HSF2: variants seen among roughly 807,000 people sequenced by gnomAD.
HSF2 encodes the protein heat shock transcription factor 2, also known as heat shock factor protein 2.
Under a neutral mutation model 65.0 loss-of-function variants are expected in HSF2, and 21 were observed. The ratio of observed to expected loss-of-function variants is 0.32; its 90% CI spans 0.23 to 0.47. The LOEUF is 0.47. Ranked by LOEUF, HSF2 falls within the 20% of genes least tolerant of loss-of-function variation. HSF2 has a pLI of 1.00. For missense variants in HSF2, 499 were observed against 628.1 expected (o/e 0.79, Z 2.20); for synonymous variants, 225 against 219.1 (o/e 1.03, Z -0.24).
At chr6:122,423,757 C>A in intron 10 of HSF2, 71 bp downstream of exon 10, 3 of 767,002 alleles carry the variant, frequency 3.9e-6, no homozygotes, top group Non-Finnish European at 6.2e-6. Flanking sequence ...AAAACCAGTA[C>A]GTCATTTTGT....
chr6:122,399,726 G>C lies in HSF2; in HGVS notation c.-12G>C, dbSNP rs1038167273. On this transcript the variant is annotated 5_prime_UTR_variant, in exon 1 of 13. Coordinates refer to ENST00000368455, the MANE Select transcript of HSF2 (RefSeq NM_004506.4). ...CGGGTGTAGAATTTGGAATCCCTGC[G>C]CCGCGTTAACAATGAAGCAGAGTTC... is the stretch of plus-strand genomic sequence containing the variant. The C allele has an allele frequency of 6.2e-7, 1 of 1,607,872 alleles. No individual in the cohort carries two copies.
chr6:122,425,853 G>T (rs1344556147), intron 10 of HSF2, among the ~76,000 whole-genome samples: 1 of 151,924 alleles, frequency 6.6e-6, no homozygotes, highest in African/African-American at 2.4e-5. Context: ...AAAGTAAACT[G>T]GACTTGAATT....
At chr6:122,417,647 A>G (rs1414683630) in intron 5 of HSF2, among the ~76,000 whole-genome samples, 1 of 152,196 alleles carries the variant, frequency 6.6e-6, no homozygotes, top group Admixed American at 6.5e-5. Context: ...CAGAAGTTAC[A>G]TGCTGTAAGT....
intron 10 of HSF2, 76 bp from the exon 11 acceptor site, chr6:122,427,827 G>A: frequency 1.0e-6 from 1 of 988,990 alleles, no homozygotes; most frequent in South Asian, 1.5e-5. Context: ...ACCCAACATG[G>A]CTGTATAAAA....
intron 1 of HSF2, among the ~76,000 whole-genome samples, chr6:122,411,854 G>A (rs113768931): frequency 6.6e-6 from 1 of 151,828 alleles, no homozygotes; most frequent in Non-Finnish European, 1.5e-5. Context: ...GTTTTTTGTA[G>A]AGAAAAACAC....
In HSF2 at chr6:122,423,705, C is replaced by G; in HGVS notation, c.1176+19C>G. On this transcript the variant is annotated intron_variant, in intron 10 of 12. Coordinates refer to ENST00000368455, the MANE Select transcript of HSF2 (RefSeq NM_004506.4). ...GGTTGATGTAGGTACTTTGGGTAAT[C>G]TTTGCTATACTGGTAGTTTGTGTGT... The G allele has an allele frequency of 7.6e-7, 1 of 1,314,988 alleles. No homozygotes were observed. The allele number at this position is 1,314,988 out of a possible 1,614,324, so 81.5% of individuals were successfully genotyped here. A position where few individuals can be genotyped will look rare whatever the true frequency, so the allele number is the denominator to read the frequency against.
chr6:122,407,592 T>G (rs1184753243), intron 1 of HSF2, among the ~76,000 whole-genome samples: 3 of 13,416 alleles, frequency 2.2e-4, no homozygotes, highest in Non-Finnish European at 4.9e-4. Context: ...CATTTTTCTG[T>G]TTTTTTTTTT....
intron 7 of HSF2, among the ~76,000 whole-genome samples, chr6:122,421,371 T>C (rs1246673262): frequency 1.3e-5 from 2 of 152,036 alleles, no homozygotes; most frequent in African/African-American, 4.8e-5. Flanking sequence ...TCACATCTGA[T>C]TTCTTTTCCC....
intron 1 of HSF2, among the ~76,000 whole-genome samples, chr6:122,404,845 AAGC>A (rs1471162286): frequency 6.6e-6 from 1 of 152,206 alleles, no homozygotes; most frequent in African/African-American, 2.4e-5. Flanking sequence ...GGAATACAAT[AAGC>A]AGAGATAGAG....
At chr6:122,420,651 G>A (rs564374530) in intron 7 of HSF2, among the ~76,000 whole-genome samples, 3 of 88,794 alleles carry the variant, frequency 3.4e-5, no homozygotes, top group African/African-American at 1.2e-4. Context: ...TTTTTAACTT[G>A]ATGTTGCTTT....
In HSF2 at chr6:122,420,136, C is replaced by T; in HGVS notation, c.595C>T (p.Pro199Ser). 6.2e-7 allele frequency: 1 copy of T among 1,602,924 alleles called. No individual in the cohort carries two copies. The highest frequency in any genetic ancestry group is 8.5e-7 in the Non-Finnish European group (1 of 1,175,788). ...NQLVSLKRKR[P>S]LLLNTNGAQK... The stretch of plus-strand genomic sequence containing the variant: ...ACTGCATATTCTTCTGGTTTTCAGG[C>T]CTCTACTTCTAAACACTAATGGAGC... Residue 199 changes from proline (P) to serine (S), a missense_variant and splice_region_variant, in exon 7 of 13, where the codon CCT (proline) becomes TCT (serine). This residue lies in a region of HSF2 where 150 missense variants were observed against 234.6 expected (regional missense o/e 0.64). Transcript: ENST00000368455.
rs184567232 is a variant in HSF2 at position 122,409,280 on chromosome 6, G to T, written c.94-3093G>T. Reference sequence around the variant, plus strand: ...ACATTTAAGGAGGAGATTGTTAGTTGTACCAAATGAAATGCCACAGAGAGG... The same window carrying T: ...ACATTTAAGGAGGAGATTGTTAGTTTTACCAAATGAAATGCCACAGAGAGG... On this transcript the variant is annotated intron_variant, in intron 1 of 12. Coordinates refer to ENST00000368455, the MANE Select transcript of HSF2 (RefSeq NM_004506.4). Among the ~76,000 whole-genome samples the T allele has an allele frequency of 2.0e-4, 31 of 152,114 alleles. 1 individual carries two copies. In the East Asian group the frequency reaches 6.0e-3, roughly 29 times the overall value.
At chr6:122,412,206 T>C (rs1299528609) in intron 1 of HSF2, among the ~76,000 whole-genome samples, 167 bp from the exon 2 acceptor site, 1 of 152,054 alleles carries the variant, frequency 6.6e-6, no homozygotes, top group Non-Finnish European at 1.5e-5. Flanking sequence ...ATTTGTTGCT[T>C]AATTGCAATT....
Position 122,420,237 on chromosome 6 carries a change from A to C in HSF2, c.681+15A>C. ...ATCATCATAAAGTAATTTTTTAGTT[A>C]GGGTCTATTTTATATTTATTGTCTC... On this transcript the variant is annotated intron_variant, in intron 7 of 12. Transcript: ENST00000368455. The C allele has an allele frequency of 2.5e-6, 4 of 1,570,536 alleles. No homozygotes were observed. The highest frequency in any genetic ancestry group is 3.5e-6 in the Non-Finnish European group (4 of 1,145,538).
chr6:122,425,313 G>A (rs45594641), intron 10 of HSF2, among the ~76,000 whole-genome samples: 6,511 of 151,674 alleles, frequency 0.043, 392 homozygotes, highest in East Asian at 0.14. Context: ...GTGTTGTCTT[G>A]GTTTTTTTCA....
At chr6:122,413,083 G>A (rs1343686040) in intron 3 of HSF2, among the ~76,000 whole-genome samples, 1 of 148,734 alleles carries the variant, frequency 6.7e-6, no homozygotes, top group African/African-American at 2.4e-5. Context: ...AATACATTCA[G>A]TAATATATTT....
At chr6:122,411,254 C>A (rs371169721) in intron 1 of HSF2, among the ~76,000 whole-genome samples, 4 of 151,734 alleles carry the variant, frequency 2.6e-5, no homozygotes, top group African/African-American at 9.6e-5. Flanking sequence ...TGTATATCTT[C>A]TTTGAAGAAA....
chr6:122,422,040 A>G, intron 7 of HSF2, 110 bp from the exon 8 acceptor site: 2 of 716,590 alleles, frequency 2.8e-6, no homozygotes, highest in South Asian at 3.7e-5. Context: ...CCTGTTTTGC[A>G]TACCCCGAGA....
At chr6:122,400,903 T>G (rs949439152) in intron 1 of HSF2, among the ~76,000 whole-genome samples, 2 of 152,208 alleles carry the variant, frequency 1.3e-5, no homozygotes, top group Non-Finnish European at 2.9e-5. Context: ...ACCTGTTAAG[T>G]GCTGAGTAAA....
Sources: gnomAD v4.1 joint callset for allele counts (sites outside exome capture counted in the v4.1 genomes callset) on GRCh38, gnomAD v4.1.1 for gene constraint, gnomAD v4.1.1 regional missense constraint, MANE v1.5 for transcripts, NCBI Gene and HGNC (gene_info 2026-07-23, HGNC 2026-07-21) for gene names.